Variants in CCNT1 observed in about 807,000 individuals in gnomAD.
CCNT1 encodes the protein cyclin-T1.
Under a neutral mutation model 67.3 loss-of-function variants are expected in CCNT1, and 18 were observed. That is an observed-to-expected ratio of 0.27 (90% CI 0.18 to 0.40). The LOEUF (loss-of-function observed/expected upper bound fraction) is 0.40, where lower values mean the gene tolerates loss of function less well. CCNT1 is among the 10% of genes least tolerant of loss of function. The probability of loss-of-function intolerance (pLI) is 1.00; values close to 1 mark genes in which losing one functional copy is unlikely to be tolerated. For missense variants in CCNT1, 744 were observed against 884.9 expected, an observed-to-expected ratio of 0.84 and a Z score of 2.02; for synonymous variants, 333 against 310.3, an observed-to-expected ratio of 1.07 and a Z score of -0.77.
intron 2 of CCNT1, among the ~76,000 whole-genome samples, chr12:48,707,598 GAC>G (rs1940382047): frequency 6.8e-6 from 1 of 148,128 alleles, no homozygotes; most frequent in Non-Finnish European, 1.5e-5. Context: ...TAACAAGAGT[GAC>G]ACTAAAGATT....
At chr12:48,696,331 A>G (rs1187392175) in intron 6 of CCNT1, among the ~76,000 whole-genome samples, 169 bp from the exon 7 acceptor site, 1 of 151,556 alleles carries the variant, frequency 6.6e-6, no homozygotes, top group Non-Finnish European at 1.5e-5. Flanking sequence ...CTAGCACTCA[A>G]TATAATTTCC....
rs532839858 is a variant in CCNT1, at chr12:48,695,306, G to T, written c.777+453C>A. ...AATGATTCCATTATTCCTGAATAAG[G>T]CTTTGACAAGTATTTGAAATACAAC... On this transcript the variant is annotated intron_variant, in intron 8 of 8. Coordinates refer to ENST00000261900, the MANE Select transcript of CCNT1 (RefSeq NM_001240.4). Among the ~76,000 whole-genome samples, 7 of 152,182 alleles carry T rather than the reference G, an allele frequency of 4.6e-5. 1 individual carries two copies. Among genetic ancestry groups the T allele is most frequent in the South Asian group, 2.1e-4 (1 of 4,810 alleles).
chr12:48,708,540 C>G (rs1940401125), intron 2 of CCNT1, among the ~76,000 whole-genome samples: 1 of 150,024 alleles, frequency 6.7e-6, no homozygotes, highest in African/African-American at 2.5e-5. Flanking sequence ...GAGCGAGACT[C>G]TGTCTCAAAA....
In CCNT1 at chr12:48,692,966, C is replaced by CA. The variant is rs397939805; in HGVS notation, c.*66dup. 40,059 of 789,782 alleles carry CA rather than the reference C, an allele frequency of 0.051. 38 individuals carry two copies. The highest frequency in any genetic ancestry group is 0.055 in the Non-Finnish European group (29,928 of 546,782). The allele number at this position is 789,782 out of a possible 1,614,324, so 48.9% of individuals were successfully genotyped here. ...TATTTCATAAGTAATTTTCTTAGTCCAAAAAAAAAAAAGAAAAATTATGTG... is the reference window on the plus strand; with the variant it reads ...TATTTCATAAGTAATTTTCTTAGTCCAAAAAAAAAAAAAGAAAAATTATGTG... On this transcript the variant is annotated 3_prime_UTR_variant, in exon 9 of 9. Coordinates refer to ENST00000261900, the MANE Select transcript of CCNT1 (RefSeq NM_001240.4).
chr12:48,693,590 G>T lies in CCNT1; in HGVS notation c.1624C>A (p.Pro542Thr), dbSNP rs1246514234. 6.2e-7 allele frequency: 1 copy of T among 1,614,192 alleles called. No homozygotes were observed. Among genetic ancestry groups the T allele is most frequent in the Non-Finnish European group, 8.5e-7 (1 of 1,180,036 alleles). The change falls in exon 9 of 9, where the codon CCT becomes ACT. Residue 542 changes from proline to threonine, a missense_variant. Transcript: ENST00000261900. The part of the protein sequence containing the change: ...QLPVGTGNKR[P>T]GDPKHSSQTS... The stretch of plus-strand genomic sequence containing the variant: ...TGGCTACTATGTTTTGGATCACCAG[G>T]ACGTTTGTTCCCAGTACCAACTGGA...
intron 6 of CCNT1, 22 bp from the exon 7 acceptor site, chr12:48,696,184 C>T: frequency 7.7e-7 from 1 of 1,291,198 alleles, no homozygotes; most frequent in African/African-American, 1.8e-5. Context: ...GGGAAGAAAA[C>T]AGAGAGTGTC....
rs191774690 is a variant in CCNT1 at position 48,697,680 on chromosome 12, G to A, written c.542+458C>T. ...CTAAAAACACAAAAATTAGCTGGGC[G>A]TGGTGGCGGGTACCTGTAGTCCTAG... is the stretch of plus-strand genomic sequence containing the variant. On this transcript the variant is annotated intron_variant, in intron 6 of 8. Transcript: ENST00000261900. Among the ~76,000 whole-genome samples the A allele has an allele frequency of 7.9e-3, 1,168 of 147,398 alleles. 16 individuals carry two copies. The highest frequency in any genetic ancestry group is 0.027 in the African/African-American group (1,100 of 40,580).
At chr12:48,701,217 C>CTTT (rs539754445) in intron 3 of CCNT1, 144 bp from the exon 4 acceptor site, 14 of 92,944 alleles carry the variant, frequency 1.5e-4, no homozygotes, top group African/African-American at 4.9e-4. Flanking sequence ...GAAATACAAT[C>CTTT]TTTTTTTTTT....
In CCNT1 at chr12:48,691,998, T is replaced by G. The variant is rs537193448; in HGVS notation, c.*1035A>C. On this transcript the variant is annotated 3_prime_UTR_variant, in exon 9 of 9. Coordinates refer to ENST00000261900, the MANE Select transcript of CCNT1 (RefSeq NM_001240.4). ...TTAGAGACCTTAAGACTGCTCTCAT[T>G]TGAACACTTTCCCAAAGCCTCACTT... The G allele has an allele frequency of 6.6e-6, 1 of 152,028 alleles. No individual in the cohort carries two copies. The highest frequency in any genetic ancestry group is 2.1e-4 in the South Asian group (1 of 4,824). 9.4% of individuals were successfully genotyped at this position (152,028 alleles called of 1,614,324 possible). A position where few individuals can be genotyped will look rare whatever the true frequency, so the allele number is the denominator to read the frequency against.
At chr12:48,700,974 C>T (rs1321391668) in intron 4 of CCNT1, 39 bp downstream of exon 4, 2 of 1,203,482 alleles carry the variant, frequency 1.7e-6, no homozygotes, top group Non-Finnish European at 2.4e-6. Context: ...CATTTTATTG[C>T]ATAATTTAAA....
intron 2 of CCNT1, among the ~76,000 whole-genome samples, chr12:48,711,016 G>A (rs1006332363): frequency 1.3e-4 from 20 of 152,114 alleles, no homozygotes; most frequent in Middle Eastern, 3.4e-3. Flanking sequence ...AGCTGAGATC[G>A]CGCAGCCACT....
In CCNT1 at chr12:48,693,701, C is replaced by A; in HGVS notation, c.1513G>T (p.Glu505Ter). ...SVEDSVTKSR[E>*]HKEKHKTHPS... ...TGAGTCTTGTGCTTTTCTTTGTGCTCTCGGCTCTTTGTAACACTGTCCTCT... is the reference window on the plus strand; with the variant it reads ...TGAGTCTTGTGCTTTTCTTTGTGCTATCGGCTCTTTGTAACACTGTCCTCT... Residue 505 changes from glutamate to a stop codon, truncating the protein, a stop_gained, in exon 9 of 9, where the codon GAG becomes TAG. Coordinates refer to ENST00000261900, the MANE Select transcript of CCNT1 (RefSeq NM_001240.4). LOFTEE classifies it high-confidence loss of function. The A allele has an allele frequency of 6.2e-7, 1 of 1,614,080 alleles. No individual in the cohort carries two copies. Among genetic ancestry groups the A allele is most frequent in the South Asian group, 1.1e-5 (1 of 91,078 alleles).
At chr12:48,696,858 T>A (rs1345985284) in intron 6 of CCNT1, among the ~76,000 whole-genome samples, 1 of 151,852 alleles carries the variant, frequency 6.6e-6, no homozygotes, top group East Asian at 1.9e-4. Flanking sequence ...TTAGACAGAG[T>A]CTCTCTCTCT....
At position 48,691,970 on chromosome 12, in the gene CCNT1, C is replaced by T. The variant is rs1940081728; in HGVS notation, c.*1063G>A. 1 of 152,170 alleles carries T rather than the reference C, an allele frequency of 6.6e-6. No individual in the cohort carries two copies. The highest frequency in any genetic ancestry group is 1.5e-5 in the Non-Finnish European group (1 of 68,038). 9.4% of individuals were successfully genotyped at this position (152,170 alleles called of 1,614,324 possible). A position where few individuals can be genotyped will look rare whatever the true frequency, so the allele number is the denominator to read the frequency against. On this transcript the variant is annotated 3_prime_UTR_variant, in exon 9 of 9. Coordinates refer to ENST00000261900, the MANE Select transcript of CCNT1 (RefSeq NM_001240.4). ...AGGATATACATAGCACATTCCCCAT[C>T]TCTTAGAGACCTTAAGACTGCTCTC...
In CCNT1 at chr12:48,694,415, T is replaced by G; in HGVS notation, c.799A>C (p.Thr267Pro). 1 of 1,612,214 alleles carries G rather than the reference T, an allele frequency of 6.2e-7. No homozygotes were observed. Among genetic ancestry groups the G allele is most frequent in the South Asian group, 1.1e-5 (1 of 91,058 alleles). The change falls in exon 9 of 9, where the codon ACA becomes CCA. Residue 267 changes from threonine (T) to proline (P), a missense_variant. Around this residue, in one of 3 missense-constraint regions of CCNT1, gnomAD observed 564 missense variants for 574.2 expected, o/e 0.98. Coordinates refer to ENST00000261900, the MANE Select transcript of CCNT1 (RefSeq NM_001240.4). The part of the protein sequence containing the change: ...NWRACEAAKK[T>P]KADDRGTDEK... ...TCTGTTCCTCGGTCATCTGCTTTTGTTTTCTTGGCAGCCTCGCATGCCTGC... is the reference window on the plus strand; with the variant it reads ...TCTGTTCCTCGGTCATCTGCTTTTGGTTTCTTGGCAGCCTCGCATGCCTGC...
intron 2 of CCNT1, among the ~76,000 whole-genome samples, chr12:48,711,832 G>A (rs1053683526): frequency 2.6e-5 from 4 of 152,110 alleles, no homozygotes; most frequent in East Asian, 1.9e-4. Flanking sequence ...TCATTCTGTC[G>A]CCCAGGCTGG....
chr12:48,704,544 C>T lies in CCNT1; in HGVS notation c.372+1224G>A, dbSNP rs556092746. Reference sequence around the variant, plus strand: ...ACCTCAAGGTGGCCGGGCACAGTGGCTCATGCCTGTAATCCCACCACTGTG... The same window carrying T: ...ACCTCAAGGTGGCCGGGCACAGTGGTTCATGCCTGTAATCCCACCACTGTG... On this transcript the variant is annotated intron_variant, in intron 3 of 8. Coordinates refer to ENST00000261900, the MANE Select transcript of CCNT1 (RefSeq NM_001240.4). 4.6e-5 allele frequency among the ~76,000 whole-genome samples: 7 copies of T among 152,326 alleles called. No homozygotes were observed. In the South Asian group the frequency reaches 1.4e-3, roughly 32 times the overall value.
chr12:48,712,537 T>C (rs756059800), intron 2 of CCNT1, among the ~76,000 whole-genome samples: 2 of 130,228 alleles, frequency 1.5e-5, no homozygotes, highest in Non-Finnish European at 3.1e-5. Context: ...GTTGTGGGAT[T>C]ATAGGCTTAA....
At chr12:48,703,846 A>G (rs896848166) in intron 3 of CCNT1, among the ~76,000 whole-genome samples, 7 of 151,760 alleles carry the variant, frequency 4.6e-5, no homozygotes, top group Non-Finnish European at 7.4e-5. Context: ...GGGATCACTG[A>G]GCCCGGAAGG....
Sources: allele counts gnomAD v4.1 joint callset (sites outside exome capture counted in the v4.1 genomes callset), GRCh38; gene constraint gnomAD v4.1.1; regional missense constraint gnomAD v4.1.1; transcripts MANE v1.5; gene names NCBI Gene and HGNC (gene_info 2026-07-23, HGNC 2026-07-21).